The following PUDP variants were observed in gnomAD, a reference collection of about 807,000 sequenced individuals.
PUDP encodes pseudouridine 5'-phosphatase.
A neutral mutation model predicts 9.4 loss-of-function variants in PUDP; 8 were observed. That is an observed-to-expected ratio of 0.85 (90% CI 0.50 to 1.53). The LOEUF (loss-of-function observed/expected upper bound fraction) is 1.53. Ranked by LOEUF, PUDP falls within the 40% of genes most tolerant of loss-of-function variation. The pLI is 0.00. For synonymous variants in PUDP, 99 were observed against 80.7 expected (o/e 1.23, Z -1.22); for missense variants, 188 against 189.7 (o/e 0.99, Z 0.05).
At chrX:7,057,785 T>A (rs768202685) in intron 3 of PUDP, 11 of 1,152,253 alleles carry the variant, frequency 9.5e-6, no homozygotes, top group Middle Eastern at 2.3e-4. Flanking sequence ...AGCCCTGGCA[T>A]TTCTGTGCGG....
intron 1 of PUDP, among the ~76,000 whole-genome samples, chrX:6,718,445 A>G (rs1246079784): frequency 8.9e-6 from 1 of 112,292 alleles, no homozygotes; most frequent in African/African-American, 3.2e-5. Flanking sequence ...TGTATTTTGC[A>G]GCAAGATAGA....
chrX:6,784,299 C>G (rs182377072), intron 3 of PUDP, among the ~76,000 whole-genome samples: 327 of 111,806 alleles, frequency 2.9e-3, no homozygotes, highest in Non-Finnish European at 5.0e-3. Context: ...CTTATATTTG[C>G]AAGCAGGGTG....
At chrX:6,791,620 T>TGGA (rs143248766) in intron 3 of PUDP, among the ~76,000 whole-genome samples, 23,594 of 109,780 alleles carry the variant, frequency 0.21, 1,917 homozygotes, top group Admixed American at 0.28. Context: ...GGCTTTAAAG[T>TGGA]GGAGGAAGGA....
intron 3 of PUDP, among the ~76,000 whole-genome samples, chrX:6,888,696 A>C (rs942061532): frequency 9.0e-6 from 1 of 111,475 alleles, no homozygotes; most frequent in Admixed American, 9.6e-5. Flanking sequence ...AATTTGTTTC[A>C]CAGGCATAGA....
chrX:7,052,806 C>T (rs769998240), intron 3 of PUDP, among the ~76,000 whole-genome samples: 1 of 111,372 alleles, frequency 9.0e-6, no homozygotes, highest in South Asian at 3.8e-4. Flanking sequence ...CCTGGACAGT[C>T]CCAGGCAAGC....
intron 3 of PUDP, among the ~76,000 whole-genome samples, chrX:6,899,930 A>G (rs1927649927): frequency 9.0e-6 from 1 of 111,545 alleles, no homozygotes; most frequent in African/African-American, 3.3e-5. Flanking sequence ...ATATCTTAAG[A>G]TATTAGGTGC....
intron 2 of PUDP, among the ~76,000 whole-genome samples, chrX:7,090,272 T>C (rs1931385469): frequency 1.8e-5 from 2 of 111,325 alleles, no homozygotes; most frequent in South Asian, 7.6e-4. Context: ...GGTTTATTAA[T>C]GTTTATTAAA....
chrX:6,734,063 C>A (rs762676531), intron 3 of PUDP, among the ~76,000 whole-genome samples: 1 of 111,101 alleles, frequency 9.0e-6, no homozygotes, highest in Non-Finnish European at 1.9e-5. Flanking sequence ...CAGGCATGAG[C>A]CACCACGCCT....
At chrX:6,915,145 T>C (rs1232470610) in intron 3 of PUDP, among the ~76,000 whole-genome samples, 1 of 112,381 alleles carries the variant, frequency 8.9e-6, no homozygotes, top group African/African-American at 3.2e-5. Context: ...ATAGTTCTTT[T>C]TGAAGGGCTG....
intron 3 of PUDP, among the ~76,000 whole-genome samples, chrX:6,743,239 G>A (rs112751806): frequency 0.049 from 5,525 of 112,078 alleles, 147 homozygotes; most frequent in African/African-American, 0.075. Flanking sequence ...CCCATAAGAC[G>A]TGGTTGTCTG....
chrX:7,030,818 A>T (rs1929782493), intron 1 of PUDP, among the ~76,000 whole-genome samples: 1 of 111,388 alleles, frequency 9.0e-6, no homozygotes, highest in Admixed American at 9.5e-5. Context: ...ACCCCAAGAG[A>T]GGGTTCTTGG....
At chrX:6,719,514 C>T (rs751321400) in intron 1 of PUDP, among the ~76,000 whole-genome samples, 1 of 112,286 alleles carries the variant, frequency 8.9e-6, no homozygotes, top group South Asian at 3.7e-4. Context: ...TAAGTTGCTA[C>T]TTTGCAGTAA....
rs181281174 is a variant in PUDP, at chrX:6,841,243, C to T, written c.*248-134777G>A. 3.9e-4 allele frequency among the ~76,000 whole-genome samples: 42 copies of T among 106,814 alleles called. No homozygotes were observed. The East Asian group carries it at 0.013, about 32-fold the overall frequency. 92.8% of individuals were successfully genotyped at this position (106,814 alleles called of 115,157 possible). On this transcript the variant is annotated intron_variant and NMD_transcript_variant, in intron 3 of 3. Transcript: ENST00000655425. ...AGTGAGCCGAGATTGCGCCACTGCA[C>T]TCCAGCCTGGGTGACACAGCAAACT...
intron 1 of PUDP, among the ~76,000 whole-genome samples, chrX:7,142,793 C>T (rs1320883593): frequency 2.8e-5 from 3 of 108,625 alleles, no homozygotes; most frequent in East Asian, 2.9e-4. Context: ...TACATGTGTG[C>T]ACCATCATGC....
intron 3 of PUDP, among the ~76,000 whole-genome samples, chrX:7,070,157 C>A (rs12689752): frequency 0.25 from 27,502 of 111,325 alleles, 2,642 homozygotes; most frequent in Admixed American, 0.41. Flanking sequence ...TAAGCAAGTG[C>A]CCTCGTGCCA....
intron 1 of PUDP, among the ~76,000 whole-genome samples, chrX:7,130,715 G>A (rs1430877019): frequency 2.7e-5 from 3 of 110,057 alleles, no homozygotes; most frequent in Non-Finnish European, 5.7e-5. Context: ...GCAAAACCCC[G>A]TCTCTACTAA....
intron 3 of PUDP, among the ~76,000 whole-genome samples, chrX:6,834,014 A>G (rs1208973198): frequency 8.9e-6 from 1 of 112,060 alleles, no homozygotes. Flanking sequence ...ATAATTGTAC[A>G]TTACATTTTA....
At chrX:6,857,529 G>A (rs928226665) in intron 3 of PUDP, among the ~76,000 whole-genome samples, 5 of 112,213 alleles carry the variant, frequency 4.5e-5, no homozygotes, top group Admixed American at 1.9e-4. Context: ...AACCTCCTAG[G>A]CTCAAGCAAT....
intron 3 of PUDP, among the ~76,000 whole-genome samples, chrX:6,826,141 G>C (rs1926419752): frequency 1.8e-5 from 2 of 111,495 alleles, no homozygotes; most frequent in Non-Finnish European, 3.8e-5. Context: ...GATTTTTTAA[G>C]TCCCCTTCCC....
Sources: gnomAD v4.1 joint callset for allele counts (sites outside exome capture counted in the v4.1 genomes callset) on GRCh38, gnomAD v4.1.1 for gene constraint, MANE v1.5 for transcripts, NCBI Gene and HGNC (gene_info 2026-07-23, HGNC 2026-07-21) for gene names.